COL23A1: variants seen among roughly 807,000 people sequenced by gnomAD.
COL23A1 encodes collagen type XXIII alpha 1 chain.
A neutral mutation model predicts 99.3 loss-of-function variants in COL23A1; 97 were observed. The ratio of observed to expected loss-of-function variants is 0.98; its 90% CI spans 0.83 to 1.16. The LOEUF is 1.16. COL23A1 is among the 50% of genes most tolerant of loss of function. The pLI, the probability that COL23A1 is intolerant of heterozygous loss-of-function variation, is 0.00. For synonymous variants in COL23A1, 320 were observed against 308.2 expected, an observed-to-expected ratio of 1.04 and a Z score of -0.40; for missense variants, 762 against 757.4, an observed-to-expected ratio of 1.01 and a Z score of -0.07.
intron 2 of COL23A1, among the ~76,000 whole-genome samples, chr5:178,350,647 T>A (rs992618774): frequency 1.3e-5 from 2 of 152,168 alleles, no homozygotes; most frequent in Admixed American, 1.3e-4. Flanking sequence ...ATGACAGCAT[T>A]GAAGGCGGAG....
intron 2 of COL23A1, among the ~76,000 whole-genome samples, chr5:178,407,058 C>T (rs143032231): frequency 6.6e-5 from 10 of 152,230 alleles, no homozygotes; most frequent in African/African-American, 1.4e-4. Context: ...TTGTTTGTTT[C>T]GGTCTCATAT....
At chr5:178,300,246 T>A (rs1757959669) in intron 3 of COL23A1, among the ~76,000 whole-genome samples, 1 of 148,354 alleles carries the variant, frequency 6.7e-6, no homozygotes, top group Admixed American at 6.7e-5. Context: ...ATTTTTTGTA[T>A]TTTTTTTTTT....
chr5:178,533,706 A>G (rs879906159), intron 2 of COL23A1, among the ~76,000 whole-genome samples: 15 of 152,048 alleles, frequency 9.9e-5, no homozygotes, highest in Admixed American at 7.9e-4. Context: ...ACCATATTGG[A>G]CAAGCTGGTC....
intron 2 of COL23A1, among the ~76,000 whole-genome samples, chr5:178,357,437 C>G (rs900155629): frequency 3.4e-4 from 51 of 152,230 alleles, no homozygotes; most frequent in Non-Finnish European, 1.5e-5. Flanking sequence ...GCCGGGCATG[C>G]AGGCTCTTGC....
At chr5:178,587,927 C>T (rs945051528) in intron 1 of COL23A1, among the ~76,000 whole-genome samples, 1 of 152,162 alleles carries the variant, frequency 6.6e-6, no homozygotes, top group South Asian at 2.1e-4. Flanking sequence ...AGAAGTTCAG[C>T]CCCAACTGCA....
chr5:178,443,373 T>C (rs1403773755), intron 2 of COL23A1, among the ~76,000 whole-genome samples: 2 of 152,224 alleles, frequency 1.3e-5, no homozygotes, highest in Non-Finnish European at 2.9e-5. Context: ...AGCTCCTCTT[T>C]GTTCAGATTC....
chr5:178,407,609 CAG>C (rs926886059), intron 2 of COL23A1, among the ~76,000 whole-genome samples: 25 of 152,058 alleles, frequency 1.6e-4, no homozygotes, highest in Admixed American at 1.4e-3. Flanking sequence ...AATGAAAAAA[CAG>C]AAAGTCTCAG....
rs1765268624 is a variant in COL23A1 at position 178,415,707 on chromosome 5, C to T, written c.362-108788G>A. 6.6e-6 allele frequency among the ~76,000 whole-genome samples: 1 copy of T among 152,160 alleles called. No individual in the cohort carries two copies. On this transcript the variant is annotated intron_variant, in intron 2 of 28. Coordinates refer to ENST00000390654, the MANE Select transcript of COL23A1 (RefSeq NM_173465.4). The surrounding 1 kb of genome is among the most constrained non-coding windows in gnomAD (Gnocchi z 4.6). ...AGACTGTCCCACGCCACATCTGTGC[C>T]CGAGCCCTGCTGCACAAGGGGATGC... is the stretch of plus-strand genomic sequence containing the variant.
intron 2 of COL23A1, among the ~76,000 whole-genome samples, chr5:178,386,265 C>A (rs1321933202): frequency 1.3e-5 from 2 of 152,024 alleles, no homozygotes. Flanking sequence ...ACGGTGAAAC[C>A]CCGTATCTAC....
chr5:178,401,554 T>C (rs1764451200), intron 2 of COL23A1, among the ~76,000 whole-genome samples: 1 of 152,250 alleles, frequency 6.6e-6, no homozygotes, highest in African/African-American at 2.4e-5. Context: ...CTTTACCCAT[T>C]CTCCATTTGA....
intron 2 of COL23A1, among the ~76,000 whole-genome samples, chr5:178,348,665 G>C (rs1304541871): frequency 6.6e-6 from 1 of 152,204 alleles, no homozygotes; most frequent in Non-Finnish European, 1.5e-5. Context: ...GGAGGGGAAA[G>C]GGGTCTGCAG....
chr5:178,306,262 G>A lies in COL23A1; in HGVS notation c.406+613C>T, dbSNP rs1758346360. Among the ~76,000 whole-genome samples the A allele has an allele frequency of 6.6e-6, 1 of 152,108 alleles. No homozygotes were observed. The highest frequency in any genetic ancestry group is 2.1e-4 in the South Asian group (1 of 4,824). On this transcript the variant is annotated intron_variant, in intron 3 of 28. Coordinates refer to ENST00000390654, the MANE Select transcript of COL23A1 (RefSeq NM_173465.4). The surrounding 1 kb of genome is among the most constrained non-coding windows in gnomAD (Gnocchi z 4.1). The stretch of plus-strand genomic sequence containing the variant: ...AGAGAAAGACAGCAAAGCATCCAGT[G>A]TGGCCATCAGAGGTCAGCATGACTT...
chr5:178,462,497 G>A (rs1254316712), intron 2 of COL23A1, among the ~76,000 whole-genome samples: 1 of 152,130 alleles, frequency 6.6e-6, no homozygotes, highest in African/African-American at 2.4e-5. Flanking sequence ...ACAAGAGGAA[G>A]CATTTTTAAC....
At chr5:178,274,307 TG>T (rs1190633172) in intron 5 of COL23A1, among the ~76,000 whole-genome samples, 2 of 151,896 alleles carry the variant, frequency 1.3e-5, no homozygotes, top group Non-Finnish European at 2.9e-5. Context: ...ACTGGTGGAG[TG>T]GGGGCTGAGC....
intron 2 of COL23A1, among the ~76,000 whole-genome samples, chr5:178,550,986 A>C (rs956148717): frequency 3.9e-5 from 6 of 152,058 alleles, no homozygotes; most frequent in African/African-American, 1.4e-4. Context: ...CATCTCCCCA[A>C]ACCAACAGCA....
chr5:178,418,294 T>C (rs1765419330), intron 2 of COL23A1, among the ~76,000 whole-genome samples: 1 of 152,260 alleles, frequency 6.6e-6, no homozygotes, highest in South Asian at 2.1e-4. Context: ...ACCATCAGGA[T>C]AATTATCCGG....
Position 178,268,765 on chromosome 5 carries a change from G to T in COL23A1, c.469-9C>A. 1 of 1,603,660 alleles carries T rather than the reference G, an allele frequency of 6.2e-7. No individual in the cohort carries two copies. Among genetic ancestry groups the T allele is most frequent in the Non-Finnish European group, 8.5e-7 (1 of 1,173,472 alleles). ...TTCGGGCCTGGAAGTCCCTGGAAAA[G>T]GAAAGTGGAGAAAGAACAGACCTGA... On this transcript the variant is annotated splice_polypyrimidine_tract_variant and intron_variant, in intron 6 of 28. Transcript: ENST00000390654.
Position 178,309,305 on chromosome 5 carries a change from G to C in COL23A1, c.362-2386C>G, listed in dbSNP as rs1487038027. ...TGGGCAGCTGCCCAGGCAGGGTAGGGTGCCTGCCTCCCAGGGTCACTGGGC... is the reference window on the plus strand; with the variant it reads ...TGGGCAGCTGCCCAGGCAGGGTAGGCTGCCTGCCTCCCAGGGTCACTGGGC... On this transcript the variant is annotated intron_variant, in intron 2 of 28. Coordinates refer to ENST00000390654, the MANE Select transcript of COL23A1 (RefSeq NM_173465.4). This position sits in a 1 kb window ranked among gnomAD's most constrained non-coding sequence, Gnocchi z 4.7. Among the ~76,000 whole-genome samples the C allele has an allele frequency of 6.6e-6, 1 of 152,164 alleles. No homozygotes were observed. Among genetic ancestry groups the C allele is most frequent in the Non-Finnish European group, 1.5e-5 (1 of 68,006 alleles).
chr5:178,389,674 C>T (rs556079018), intron 2 of COL23A1, among the ~76,000 whole-genome samples: 3 of 152,272 alleles, frequency 2.0e-5, no homozygotes, highest in East Asian at 1.9e-4. Context: ...GAGTTAAGTG[C>T]CTTTCCCTTC....
Sources: allele counts gnomAD v4.1 joint callset (sites outside exome capture counted in the v4.1 genomes callset), GRCh38; gene constraint gnomAD v4.1.1; non-coding constraint Gnocchi (gnomAD v3.1); transcripts MANE v1.5; gene names NCBI Gene and HGNC (gene_info 2026-07-23, HGNC 2026-07-21).